The following EPHA6 variants were observed in gnomAD, a reference collection of about 807,000 sequenced individuals.
EPHA6 encodes the protein ephrin type-A receptor 6.
Under a neutral mutation model 112.0 loss-of-function variants are expected in EPHA6, and 50 were observed. The ratio of observed to expected loss-of-function variants is 0.45; its 90% confidence interval spans 0.36 to 0.56. EPHA6 has a LOEUF of 0.56. Among genes scored for constraint, EPHA6 ranks in the 20% least tolerant of loss-of-function variants. EPHA6 has a pLI of 0.00. For missense variants in EPHA6, 1,280 were observed against 1,417.4 expected (o/e 0.90, Z 1.56); for synonymous variants, 529 against 490.7 (o/e 1.08, Z -1.03).
At chr3:97,444,648 G>C (rs140354287) in intron 6 of EPHA6, among the ~76,000 whole-genome samples, 1 of 152,076 alleles carries the variant, frequency 6.6e-6, no homozygotes, top group Admixed American at 6.6e-5. Flanking sequence ...CAAGACAGGA[G>C]AACTCTAACC....
At chr3:96,942,220 C>G (rs1379078999) in intron 2 of EPHA6, among the ~76,000 whole-genome samples, 3 of 152,220 alleles carry the variant, frequency 2.0e-5, no homozygotes, top group Admixed American at 2.0e-4. Context: ...GAGGTGGAGC[C>G]TACAGAGGCA....
At chr3:96,815,104 G>A in intron 1 of EPHA6, 96 bp downstream of exon 1, 1 of 1,239,910 alleles carries the variant, frequency 8.1e-7, no homozygotes, top group Non-Finnish European at 1.1e-6. Flanking sequence ...CTTTGTACAG[G>A]GGTCAGAGTC....
intron 14 of EPHA6, among the ~76,000 whole-genome samples, chr3:97,707,439 T>C (rs1576326020): frequency 6.6e-6 from 1 of 152,196 alleles, no homozygotes; most frequent in East Asian, 1.9e-4. Context: ...GTAAGTGTTA[T>C]AGGCAGGCAT....
chr3:96,906,531 G>A (rs1024384358), intron 2 of EPHA6, among the ~76,000 whole-genome samples: 3 of 152,010 alleles, frequency 2.0e-5, no homozygotes, highest in Admixed American at 2.0e-4. Flanking sequence ...TACAGATAAG[G>A]CAGATTCAGA....
At chr3:97,727,860 TA>T (rs1415919323) in intron 15 of EPHA6, among the ~76,000 whole-genome samples, 1 of 152,040 alleles carries the variant, frequency 6.6e-6, no homozygotes, top group Non-Finnish European at 1.5e-5. Flanking sequence ...TAGGGAATAT[TA>T]CAAGATGTAA....
intron 3 of EPHA6, among the ~76,000 whole-genome samples, chr3:97,078,730 C>T (rs537802116): frequency 5.3e-4 from 81 of 152,176 alleles, no homozygotes; most frequent in Non-Finnish European, 1.0e-4. Flanking sequence ...TTTCTGAGGC[C>T]TCTGTTCTGC....
At chr3:97,694,960 A>G (rs1224787390) in intron 14 of EPHA6, among the ~76,000 whole-genome samples, 1 of 152,224 alleles carries the variant, frequency 6.6e-6, no homozygotes, top group African/African-American at 2.4e-5. Context: ...GTACCATCTG[A>G]TATGAGTGGT....
intron 2 of EPHA6, among the ~76,000 whole-genome samples, chr3:96,917,233 C>G (rs2039526688): frequency 6.6e-6 from 1 of 151,734 alleles, no homozygotes; most frequent in Non-Finnish European, 1.5e-5. Context: ...CCAGCCTGAC[C>G]AACAAGGTGA....
intron 14 of EPHA6, among the ~76,000 whole-genome samples, chr3:97,669,667 C>T (rs551673456): frequency 3.3e-5 from 5 of 151,938 alleles, no homozygotes; most frequent in Admixed American, 3.3e-4. Context: ...ACAGACACCC[C>T]CCACTCCATG....
chr3:97,073,163 A>G (rs2046411484), intron 3 of EPHA6, among the ~76,000 whole-genome samples: 1 of 152,158 alleles, frequency 6.6e-6, no homozygotes, highest in Admixed American at 6.6e-5. Context: ...CAAATAAGAA[A>G]TTACAGATGT....
At chr3:96,941,199 A>G (rs930027855) in intron 2 of EPHA6, among the ~76,000 whole-genome samples, 77 of 152,258 alleles carry the variant, frequency 5.1e-4, no homozygotes, top group South Asian at 1.4e-3. Flanking sequence ...AGTGTTTTCC[A>G]ACTTGGTTCC....
chr3:97,303,536 A>G (rs912358141), intron 5 of EPHA6, among the ~76,000 whole-genome samples: 1 of 152,026 alleles, frequency 6.6e-6, no homozygotes, highest in Non-Finnish European at 1.5e-5. Flanking sequence ...GCTGTCTACA[A>G]GCTGGACACC....
intron 4 of EPHA6, among the ~76,000 whole-genome samples, chr3:97,226,871 G>A (rs2078372632): frequency 6.6e-6 from 1 of 152,170 alleles, no homozygotes; most frequent in Admixed American, 6.5e-5. Context: ...ATGTAGAAAA[G>A]TTCAAGTTCC....
intron 2 of EPHA6, among the ~76,000 whole-genome samples, chr3:96,922,191 G>A (rs919419787): frequency 6.6e-6 from 1 of 152,122 alleles, no homozygotes; most frequent in African/African-American, 2.4e-5. Context: ...TCTATTTCTG[G>A]TTAGCCAGAT....
intron 3 of EPHA6, among the ~76,000 whole-genome samples, chr3:97,060,115 C>T (rs1358470362): frequency 2.0e-5 from 3 of 152,018 alleles, no homozygotes; most frequent in East Asian, 1.9e-4. Context: ...GGCAAGACTC[C>T]GTCTCAAACA....
chr3:97,187,079 C>T (rs1056202554), intron 3 of EPHA6, among the ~76,000 whole-genome samples: 15 of 151,992 alleles, frequency 9.9e-5, no homozygotes, highest in African/African-American at 2.4e-4. Flanking sequence ...AGAAATGACC[C>T]GAAATCTCCG....
chr3:96,871,747 A>T (rs2036633837), intron 2 of EPHA6, among the ~76,000 whole-genome samples: 1 of 152,078 alleles, frequency 6.6e-6, no homozygotes, highest in Non-Finnish European at 1.5e-5. Flanking sequence ...AGTACTAGTT[A>T]TGATCTTTAG....
chr3:96,972,462 C>T (rs1049624896), intron 2 of EPHA6, among the ~76,000 whole-genome samples: 9 of 142,002 alleles, frequency 6.3e-5, no homozygotes, highest in Non-Finnish European at 1.1e-4. Context: ...CACACACACA[C>T]GTATTTAGGA....
intron 13 of EPHA6, among the ~76,000 whole-genome samples, chr3:97,613,098 T>C (rs558666925): frequency 1.3e-4 from 20 of 151,980 alleles, no homozygotes; most frequent in Non-Finnish European, 2.6e-4. Context: ...AAAAATAGGG[T>C]CAATACTTCC....
Sources: allele counts gnomAD v4.1 joint callset (sites outside exome capture counted in the v4.1 genomes callset), GRCh38; gene constraint gnomAD v4.1.1; transcripts MANE v1.5; gene names NCBI Gene and HGNC (gene_info 2026-07-23, HGNC 2026-07-21).